The following WWOX variants were observed in gnomAD, a reference collection of about 807,000 sequenced individuals.
The protein encoded by WWOX is WW domain containing oxidoreductase.
Under a neutral mutation model 46.2 loss-of-function variants are expected in WWOX, and 69 were observed. The observed-to-expected ratio is 1.49, with a 90% CI of 1.23 to 1.82. WWOX has a LOEUF of 1.82. Ranked by LOEUF, WWOX falls within the 40% of genes most tolerant of loss-of-function variation. The pLI, the probability that WWOX is intolerant of heterozygous loss-of-function variation, is 0.00. For missense variants in WWOX, 919 were observed against 542.6 expected, an observed-to-expected ratio of 1.69 and a Z score of -6.89; for synonymous variants, 359 against 202.6, an observed-to-expected ratio of 1.77 and a Z score of -6.56.
intron 8 of WWOX, among the ~76,000 whole-genome samples, chr16:79,090,280 C>CGTGTGTGTGTGTGTGTGTGTGTGT (rs61538157): frequency 7.2e-6 from 1 of 138,284 alleles, no homozygotes; most frequent in African/African-American, 2.7e-5. Flanking sequence ...CTACTGTGTG[C>CGTGTGTGTGTGTGTGTGTGTGTGT]GTGTGTGTGT....
intron 4 of WWOX, among the ~76,000 whole-genome samples, chr16:78,133,987 T>A (rs1179194168): frequency 6.6e-6 from 1 of 152,216 alleles, no homozygotes; most frequent in African/African-American, 2.4e-5. Flanking sequence ...ACAGGTATTA[T>A]CCCTAAGATG....
At chr16:78,581,940 A>T (rs1319931332) in intron 8 of WWOX, among the ~76,000 whole-genome samples, 1 of 151,866 alleles carries the variant, frequency 6.6e-6, no homozygotes, top group Non-Finnish European at 1.5e-5. Context: ...AAATCTAATC[A>T]CTCCTAGCAT....
chr16:78,806,813 G>C (rs572530056), intron 8 of WWOX, among the ~76,000 whole-genome samples: 2 of 152,332 alleles, frequency 1.3e-5, no homozygotes, highest in Admixed American at 6.5e-5. Flanking sequence ...GAGAATGTGG[G>C]ACTGGACATA....
At chr16:78,593,697 T>G (rs1656887050) in intron 8 of WWOX, among the ~76,000 whole-genome samples, 2 of 150,260 alleles carry the variant, frequency 1.3e-5, no homozygotes, top group South Asian at 2.1e-4. Context: ...CTTCCCAGCG[T>G]ACAACAGAGG....
At chr16:78,448,330 T>C (rs2083609889) in intron 8 of WWOX, among the ~76,000 whole-genome samples, 1 of 152,210 alleles carries the variant, frequency 6.6e-6, no homozygotes, top group African/African-American at 2.4e-5. Context: ...TATCACTGCA[T>C]AACAAGTTAC....
chr16:78,409,517 A>G (rs987158097), intron 6 of WWOX, among the ~76,000 whole-genome samples: 9 of 152,150 alleles, frequency 5.9e-5, no homozygotes, highest in Non-Finnish European at 1.3e-4. Flanking sequence ...TGCATGCAGT[A>G]TTTGTCTGTT....
At chr16:78,772,068 G>A (rs139296690) in intron 8 of WWOX, among the ~76,000 whole-genome samples, 85 of 152,132 alleles carry the variant, frequency 5.6e-4, no homozygotes, top group African/African-American at 2.0e-3. Context: ...TGGGTTCAGG[G>A]GTACATGTGC....
chr16:78,672,735 G>C (rs967897345), intron 8 of WWOX, among the ~76,000 whole-genome samples: 2 of 152,214 alleles, frequency 1.3e-5, no homozygotes, highest in African/African-American at 4.8e-5. Flanking sequence ...TTACTGGTCT[G>C]CAGCCCCCCA....
chr16:79,054,054 T>G (rs1597329523), intron 8 of WWOX, among the ~76,000 whole-genome samples: 1 of 152,174 alleles, frequency 6.6e-6, no homozygotes, highest in African/African-American at 2.4e-5. Context: ...CTCATTATAA[T>G]TGATACCTGC....
At chr16:79,004,294 A>G (rs2047150719) in intron 8 of WWOX, 1 of 152,198 alleles carries the variant, frequency 6.6e-6, no homozygotes, top group African/African-American at 2.4e-5. Context: ...CCGCATGGCG[A>G]GCCAGTACCC....
chr16:78,911,475 C>G (rs958826569), intron 8 of WWOX, among the ~76,000 whole-genome samples: 1 of 151,882 alleles, frequency 6.6e-6, no homozygotes, highest in African/African-American at 2.4e-5. Context: ...GTGAAAGATT[C>G]AGAAGTTGAA....
intron 5 of WWOX, among the ~76,000 whole-genome samples, chr16:78,356,993 A>G (rs963053512): frequency 1.3e-5 from 2 of 152,204 alleles, no homozygotes; most frequent in Non-Finnish European, 2.9e-5. Context: ...ATGGCCATGT[A>G]TACCTTTGCC....
At chr16:78,888,930 T>A (rs1187772254) in intron 8 of WWOX, among the ~76,000 whole-genome samples, 1 of 150,922 alleles carries the variant, frequency 6.6e-6, no homozygotes, top group African/African-American at 2.5e-5. Context: ...GCTTCTCCTT[T>A]TTCCCCAAGC....
chr16:78,542,602 C>G (rs568431781), intron 8 of WWOX, among the ~76,000 whole-genome samples: 43 of 152,240 alleles, frequency 2.8e-4, no homozygotes, highest in African/African-American at 7.7e-4. Flanking sequence ...AGGTTCCTAC[C>G]GCACAGATCC....
At chr16:78,480,101 G>C (rs2084450589) in intron 8 of WWOX, among the ~76,000 whole-genome samples, 1 of 152,144 alleles carries the variant, frequency 6.6e-6, no homozygotes. Flanking sequence ...GAAGCTTCTG[G>C]AGCTTCACTG....
intron 5 of WWOX, among the ~76,000 whole-genome samples, chr16:78,383,709 C>A (rs548379819): frequency 2.0e-5 from 3 of 152,234 alleles, no homozygotes; most frequent in African/African-American, 4.8e-5. Context: ...ATTTTCCATC[C>A]CCTGGACTTA....
At chr16:78,864,921 C>G (rs960296186) in intron 8 of WWOX, among the ~76,000 whole-genome samples, 1 of 151,692 alleles carries the variant, frequency 6.6e-6, no homozygotes, top group Non-Finnish European at 1.5e-5. Context: ...CACCACCACA[C>G]CTGGCTAATT....
intron 6 of WWOX, among the ~76,000 whole-genome samples, chr16:78,399,651 C>G (rs73571014): frequency 0.1 from 15,880 of 152,226 alleles, 1,289 homozygotes; most frequent in African/African-American, 0.22. Context: ...TCAGAGAACT[C>G]TCGATTTATA....
intron 8 of WWOX, among the ~76,000 whole-genome samples, chr16:78,893,683 T>C (rs1314424772): frequency 6.6e-6 from 1 of 152,186 alleles, no homozygotes. Flanking sequence ...CCCTGGTATT[T>C]TCCAGGGGCC....
Sources: allele counts gnomAD v4.1 joint callset (sites outside exome capture counted in the v4.1 genomes callset), GRCh38; gene constraint gnomAD v4.1.1; transcripts MANE v1.5; gene names NCBI Gene and HGNC (gene_info 2026-07-23, HGNC 2026-07-21).